MAPK8IP3: variants seen among roughly 807,000 people sequenced by gnomAD.
The protein encoded by MAPK8IP3 is mitogen-activated protein kinase 8 interacting protein 3.
In MAPK8IP3, 49 loss-of-function variants were observed where a neutral mutation model predicts 157.8. That is an observed-to-expected ratio of 0.31 (90% CI 0.25 to 0.39). MAPK8IP3 has a LOEUF of 0.39. Among genes scored for constraint, MAPK8IP3 ranks in the 10% least tolerant of loss-of-function variants. The pLI is 1.00. For synonymous variants in MAPK8IP3, 897 were observed against 777.7 expected (o/e 1.15, Z -2.55); for missense variants, 1,478 against 1,889.4 (o/e 0.78, Z 4.04).
chr16:1,763,929 T>C (rs1009213107), intron 17 of MAPK8IP3, 146 bp downstream of exon 17: 1 of 1,070,706 alleles, frequency 9.3e-7, no homozygotes, highest in Non-Finnish European at 1.3e-6. Flanking sequence ...GGCAGGTTCC[T>C]AGTGAGCCTC....
intron 1 of MAPK8IP3, among the ~76,000 whole-genome samples, chr16:1,723,841 T>C (rs953278571): frequency 6.6e-6 from 1 of 152,356 alleles, no homozygotes; most frequent in East Asian, 1.9e-4. Context: ...GAGCTGCTTT[T>C]ATTTTGCAAA....
At chr16:1,738,497 TCC>T (rs2040265156) in intron 4 of MAPK8IP3, among the ~76,000 whole-genome samples, 1 of 116,502 alleles carries the variant, frequency 8.6e-6, no homozygotes, top group Non-Finnish European at 1.7e-5. Flanking sequence ...CGTGTGACCG[TCC>T]GTGTGTGTGA....
chr16:1,720,180 G>T (rs572761218), intron 1 of MAPK8IP3, among the ~76,000 whole-genome samples: 12 of 152,112 alleles, frequency 7.9e-5, no homozygotes, highest in African/African-American at 2.9e-4. Flanking sequence ...GATTACAGGC[G>T]CACGCCACCA....
rs1227745162 is a variant in MAPK8IP3 at position 1,706,769 on chromosome 16, G to GCGGGACCCCTGGACCC, written c.318+114_318+129dup. 183 of 1,190,090 alleles carry GCGGGACCCCTGGACCC rather than the reference G, an allele frequency of 1.5e-4. No individual in the cohort carries two copies. The African/African-American group carries it at 2.7e-3, about 18-fold the overall frequency. 73.7% of individuals were successfully genotyped at this position (1,190,090 alleles called of 1,614,324 possible). ...AGACCCCGCTCCGGCACCCCGGACC[G>GCGGGACCCCTGGACCC]CGGGACCCCTGGACCCCCAGACCCC... is the stretch of plus-strand genomic sequence containing the variant. On this transcript the variant is annotated intron_variant, in intron 1 of 31. Transcript: ENST00000610761. This position sits in a 1 kb window ranked among gnomAD's most constrained non-coding sequence, Gnocchi z 5.1.
rs1234113812 is a variant in MAPK8IP3 at position 1,766,307 on chromosome 16, G to T, written c.2717G>T (p.Gly906Val). The T allele has an allele frequency of 1.2e-6, 2 of 1,612,678 alleles. No individual in the cohort carries two copies. Among genetic ancestry groups the T allele is most frequent in the Admixed American group, 3.3e-5 (2 of 60,020 alleles). The change falls in exon 22 of 32, where the codon GGG becomes GTG. Residue 906 changes from glycine to valine, a missense_variant. Transcript: ENST00000610761. Reference sequence around the variant, plus strand: ...GAGGCCACGGAGGTGCCAGACCCTGGGCCCAGCGAGCCAGAGACAGCCACA... The same window carrying T: ...GAGGCCACGGAGGTGCCAGACCCTGTGCCCAGCGAGCCAGAGACAGCCACA... ...ATEATEVPDP[G>V]PSEPETATLR...
At position 1,743,428 on chromosome 16, in the gene MAPK8IP3, C is replaced by A; in HGVS notation, c.699C>A (p.His233Gln). 1 of 1,609,778 alleles carries A rather than the reference C, an allele frequency of 6.2e-7. No individual in the cohort carries two copies. The highest frequency in any genetic ancestry group is 8.5e-7 in the Non-Finnish European group (1 of 1,178,576). The stretch of plus-strand genomic sequence containing the variant: ...GCAAGCTCGTGCCTGCGGGGGACCA[C>A]TGGCACCTGAGTGACCTCGGCCAGC... ...IGGKLVPAGD[H>Q]WHLSDLGQLQ... Residue 233 changes from histidine (H) to glutamine (Q), a missense_variant, in exon 5 of 32, where the codon CAC becomes CAA. Coordinates refer to ENST00000610761, the MANE Select transcript of MAPK8IP3 (RefSeq NM_001318852.2). The surrounding 1 kb of genome is among the most constrained non-coding windows in gnomAD (Gnocchi z 5.6).
At chr16:1,760,569 C>G (rs200440647) in intron 12 of MAPK8IP3, 37 bp downstream of exon 12, 1 of 1,590,306 alleles carries the variant, frequency 6.3e-7, no homozygotes, top group Non-Finnish European at 8.6e-7. Flanking sequence ...CAGAGAGGGA[C>G]CCCGGCCTCA....
chr16:1,744,872 A>G, intron 5 of MAPK8IP3: 3 of 961,996 alleles, frequency 3.1e-6, no homozygotes, highest in Non-Finnish European at 3.7e-6. Flanking sequence ...ATTACATTTA[A>G]GTTCTTTTTA....
chr16:1,748,684 G>A lies in MAPK8IP3; in HGVS notation c.1180G>A (p.Val394Ile). ...TGAGCTGTCGACGGCAGGGTCTGAG[G>A]TCATCGGGGATGTGGACGAAGGGGC... ...YHELSTAGSEVIGDVDEGADL... is the reference protein window; with the variant it reads ...YHELSTAGSEIIGDVDEGADL... Residue 394 changes from valine to isoleucine, a missense_variant, in exon 8 of 32, where the codon GTC (valine) becomes ATC (isoleucine). Transcript: ENST00000610761. 6.2e-7 allele frequency: 1 copy of A among 1,614,206 alleles called. No individual in the cohort carries two copies. The highest frequency in any genetic ancestry group is 8.5e-7 in the Non-Finnish European group (1 of 1,180,040).
At chr16:1,768,046 C>T (rs1208611941) in intron 28 of MAPK8IP3, 23 bp from the exon 29 acceptor site, 6 of 1,612,196 alleles carry the variant, frequency 3.7e-6, no homozygotes, top group East Asian at 4.5e-5. Flanking sequence ...TCCTCTTCTC[C>T]CATGCTCCTC....
Position 1,729,148 on chromosome 16 carries a change from G to A in MAPK8IP3, c.450G>A (p.Leu150=), listed in dbSNP as rs2039115770. 1.2e-6 allele frequency: 2 copies of A among 1,613,954 alleles called. No homozygotes were observed. Among genetic ancestry groups the A allele is most frequent in the Admixed American group, 3.3e-5 (2 of 60,006 alleles). ...GATTGTGTTTTCCAGTTTCCCGGTT[G>A]GAGGAGCGGGAGTCGGAGATGAAGA... ...AKNYADQISR[L]EERESEMKKE... Residue 150 remains leucine (L), a synonymous_variant, in exon 3 of 32, where the codon TTG becomes TTA. Coordinates refer to ENST00000610761, the MANE Select transcript of MAPK8IP3 (RefSeq NM_001318852.2).
At chr16:1,762,628 G>A (rs2042017997) in intron 14 of MAPK8IP3, 47 bp from the exon 15 acceptor site, 1 of 1,542,414 alleles carries the variant, frequency 6.5e-7, no homozygotes, top group Non-Finnish European at 8.8e-7. Context: ...GCAGGTAAGG[G>A]AGGCGTGAGG....
chr16:1,744,390 G>T, intron 5 of MAPK8IP3: 14 of 985,948 alleles, frequency 1.4e-5, no homozygotes, highest in Non-Finnish European at 1.7e-5. Flanking sequence ...ACCTCTAAGT[G>T]TCCATCGTGC....
At chr16:1,744,144 G>A (rs1008404643) in intron 5 of MAPK8IP3, 3 of 985,672 alleles carry the variant, frequency 3.0e-6, no homozygotes, top group African/African-American at 1.7e-5. Flanking sequence ...GCCCCAGGTC[G>A]CTTGCTGCCA....
Position 1,766,655 on chromosome 16 carries a change from A to G in MAPK8IP3, c.2939+7A>G. ...TGGGAGCCCAGAACGGCTGGTAGGA[A>G]GGGCCCGGGGCAAGGTGGAGGGAGG... is the stretch of plus-strand genomic sequence containing the variant. On this transcript the variant is annotated splice_region_variant and intron_variant, in intron 23 of 31. Coordinates refer to ENST00000610761, the MANE Select transcript of MAPK8IP3 (RefSeq NM_001318852.2). 6.2e-7 allele frequency: 1 copy of G among 1,612,372 alleles called. No homozygotes were observed. Among genetic ancestry groups the G allele is most frequent in the Non-Finnish European group, 8.5e-7 (1 of 1,179,816 alleles).
At chr16:1,758,309 G>A (rs762232250) in intron 9 of MAPK8IP3, 150 bp downstream of exon 9, 239 of 845,804 alleles carry the variant, frequency 2.8e-4, no homozygotes, top group Admixed American at 1.9e-4. Flanking sequence ...AGCCACCGCC[G>A]CTCGGAAGCT....
In MAPK8IP3 at chr16:1,768,066, C is replaced by A. The variant is rs1863401775; in HGVS notation, c.3524-3C>A. ...TTCTCCCATGCTCCTCCCATGTCCC[C>A]AGCTGTGGTCCTGCACCGAGGCCAG... On this transcript the variant is annotated splice_region_variant and splice_polypyrimidine_tract_variant and intron_variant, in intron 28 of 31. Coordinates refer to ENST00000610761, the MANE Select transcript of MAPK8IP3 (RefSeq NM_001318852.2). The A allele has an allele frequency of 6.2e-7, 1 of 1,612,436 alleles. No individual in the cohort carries two copies. The highest frequency in any genetic ancestry group is 8.5e-7 in the Non-Finnish European group (1 of 1,179,994).
intron 5 of MAPK8IP3, chr16:1,745,361 TGTGACACATTGGG>T: frequency 6.1e-6 from 1 of 163,906 alleles, no homozygotes; most frequent in Non-Finnish European, 1.3e-5. Context: ...ACCAGGTGCC[TGTGACACATTGGG>T]TAGACAGGTT....
chr16:1,737,776 GTGACCATCCA>G (rs1201264836), intron 4 of MAPK8IP3, among the ~76,000 whole-genome samples: 3 of 3,896 alleles, frequency 7.7e-4, no homozygotes, highest in Non-Finnish European at 1.1e-3. Flanking sequence ...ATCCGTGTGA[GTGACCATCCA>G]TGTGAGCATC....
Sources: gnomAD v4.1 joint callset for allele counts (sites outside exome capture counted in the v4.1 genomes callset) on GRCh38, gnomAD v4.1.1 for gene constraint, Gnocchi (gnomAD v3.1) non-coding constraint, MANE v1.5 for transcripts, NCBI Gene and HGNC (gene_info 2026-07-23, HGNC 2026-07-21) for gene names.